INSYN2B: variants seen among roughly 807,000 people sequenced by gnomAD.
The protein encoded by INSYN2B is protein INSYN2B.
Under a neutral mutation model 41.2 loss-of-function variants are expected in INSYN2B, and 16 were observed. That is an observed-to-expected ratio of 0.39 (90% CI 0.26 to 0.59). The LOEUF (loss-of-function observed/expected upper bound fraction) is 0.59, where lower values mean the gene tolerates loss of function less well. INSYN2B is among the 20% of genes least tolerant of loss of function. The pLI is 0.57. For synonymous variants in INSYN2B, 245 were observed against 244.4 expected (o/e 1.00, Z -0.02); for missense variants, 608 against 646.4 (o/e 0.94, Z 0.64).
intron 1 of INSYN2B, among the ~76,000 whole-genome samples, chr5:169,893,719 A>C (rs1275424873): frequency 6.6e-6 from 1 of 152,206 alleles, no homozygotes; most frequent in African/African-American, 2.4e-5. Context: ...AGGAAGCCAG[A>C]CAGACAATGA....
chr5:169,964,575 C>T (rs1290963442), intron 1 of INSYN2B, among the ~76,000 whole-genome samples: 3 of 152,208 alleles, frequency 2.0e-5, no homozygotes, highest in African/African-American at 7.2e-5. Flanking sequence ...TGCCACTTTT[C>T]TCAGTGCCCA....
intron 1 of INSYN2B, among the ~76,000 whole-genome samples, chr5:169,891,758 G>A (rs1327845455): frequency 6.7e-6 from 1 of 149,144 alleles, no homozygotes; most frequent in Non-Finnish European, 1.5e-5. Flanking sequence ...GTCAAGGCAG[G>A]TGGATCACAA....
chr5:169,896,567 TA>T (rs1211436315), intron 1 of INSYN2B, among the ~76,000 whole-genome samples: 2 of 152,256 alleles, frequency 1.3e-5, no homozygotes, highest in Admixed American at 6.5e-5. Context: ...GACACACTCA[TA>T]AATCTTTCAG....
At chr5:169,972,494 A>ATT (rs35770870) in intron 1 of INSYN2B, among the ~76,000 whole-genome samples, 1 of 10,978 alleles carries the variant, frequency 9.1e-5, no homozygotes, top group Admixed American at 1.0e-3. Flanking sequence ...ATTTCAAGGC[A>ATT]ATGCCCTTTG....
intron 1 of INSYN2B, among the ~76,000 whole-genome samples, chr5:169,968,951 C>T (rs1439060523): frequency 6.6e-6 from 1 of 152,142 alleles, no homozygotes; most frequent in African/African-American, 2.4e-5. Flanking sequence ...GAGTTTGAGA[C>T]TACCCTGGAT....
At chr5:169,921,662 G>A (rs1463219314) in intron 1 of INSYN2B, among the ~76,000 whole-genome samples, 1 of 152,188 alleles carries the variant, frequency 6.6e-6, no homozygotes, top group Non-Finnish European at 1.5e-5. Flanking sequence ...CCCTTACAGA[G>A]CTGTGGAGAG....
chr5:169,902,738 G>A (rs1417345414), intron 1 of INSYN2B, among the ~76,000 whole-genome samples: 1 of 152,142 alleles, frequency 6.6e-6, no homozygotes, highest in Non-Finnish European at 1.5e-5. Context: ...AATGGGTTGG[G>A]TACTAGGGAC....
At chr5:169,870,653 G>A (rs926538688) in intron 3 of INSYN2B, among the ~76,000 whole-genome samples, 1 of 151,750 alleles carries the variant, frequency 6.6e-6, no homozygotes, top group Non-Finnish European at 1.5e-5. Context: ...TGCACAATGT[G>A]CAGGTTTGTT....
intron 1 of INSYN2B, among the ~76,000 whole-genome samples, chr5:169,921,785 TTG>T (rs1775187304): frequency 6.6e-6 from 1 of 152,228 alleles, no homozygotes; most frequent in Admixed American, 6.5e-5. Context: ...GTAAGCAGTG[TTG>T]TGACAGTCTT....
intron 1 of INSYN2B, among the ~76,000 whole-genome samples, chr5:169,969,043 T>G (rs924141992): frequency 2.0e-5 from 3 of 152,156 alleles, no homozygotes; most frequent in Non-Finnish European, 4.4e-5. Flanking sequence ...GCAGCTTCTC[T>G]GGAGGCTGAG....
intron 1 of INSYN2B, among the ~76,000 whole-genome samples, chr5:169,915,846 T>C (rs1774846091): frequency 1.3e-5 from 2 of 152,188 alleles, no homozygotes; most frequent in Admixed American, 6.5e-5. Flanking sequence ...AGGTGTGAGA[T>C]TGATGACTTG....
At chr5:169,868,594 A>G (rs1404696486) in intron 3 of INSYN2B, among the ~76,000 whole-genome samples, 2 of 152,170 alleles carry the variant, frequency 1.3e-5, no homozygotes, top group Non-Finnish European at 1.5e-5. Context: ...CACCATCTCT[A>G]CAAAAAGTAA....
At chr5:169,933,247 C>G (rs181938847) in intron 1 of INSYN2B, among the ~76,000 whole-genome samples, 1 of 152,238 alleles carries the variant, frequency 6.6e-6, no homozygotes, top group Non-Finnish European at 1.5e-5. Flanking sequence ...GCTTCCCCTA[C>G]TTGGAGTGCA....
At chr5:169,870,578 C>CT (rs1561781674) in intron 3 of INSYN2B, among the ~76,000 whole-genome samples, 1 of 151,456 alleles carries the variant, frequency 6.6e-6, no homozygotes, top group African/African-American at 2.4e-5. Flanking sequence ...TTTTTTTCTT[C>CT]TTTTTTTAAT....
chr5:169,902,896 G>C (rs966222372), intron 1 of INSYN2B, among the ~76,000 whole-genome samples: 1 of 152,068 alleles, frequency 6.6e-6, no homozygotes, highest in South Asian at 2.1e-4. Context: ...TCAAGAGATC[G>C]AGACCATCTT....
chr5:169,968,449 G>A (rs1174567470), intron 1 of INSYN2B, among the ~76,000 whole-genome samples: 2 of 152,196 alleles, frequency 1.3e-5, no homozygotes, highest in African/African-American at 4.8e-5. Context: ...TCCAGGGCCA[G>A]TGGGGACAGA....
intron 1 of INSYN2B, among the ~76,000 whole-genome samples, chr5:169,929,282 TCTTTC>T (rs1366486103): frequency 2.6e-5 from 4 of 152,224 alleles, no homozygotes; most frequent in South Asian, 2.1e-4. Flanking sequence ...TAAACATTTC[TCTTTC>T]CTTTCCCCAT....
rs1258083629 is a variant in INSYN2B at position 169,864,200 on chromosome 5, C to G, written c.*73G>C. The G allele has an allele frequency of 3.0e-6, 4 of 1,314,764 alleles. No individual in the cohort carries two copies. Among genetic ancestry groups the G allele is most frequent in the African/African-American group, 1.5e-5 (1 of 68,654 alleles). 81.4% of individuals were successfully genotyped at this position (1,314,764 alleles called of 1,614,324 possible). A position where few individuals can be genotyped will look rare whatever the true frequency, so the allele number is the denominator to read the frequency against. ...GGCCTTTGCAAAGAAGCAGGGCAGG[C>G]CTTAAGTGCAGTGGATTTCCCATCT... On this transcript the variant is annotated 3_prime_UTR_variant, in exon 4 of 4. Coordinates refer to ENST00000377365, the MANE Select transcript of INSYN2B (RefSeq NM_001129891.3).
chr5:169,953,425 T>C (rs911345511), intron 1 of INSYN2B, among the ~76,000 whole-genome samples: 3 of 152,062 alleles, frequency 2.0e-5, no homozygotes, highest in Non-Finnish European at 2.9e-5. Context: ...CTGAGAGTTA[T>C]GTGACTGTGG....
Sources: allele counts gnomAD v4.1 joint callset (sites outside exome capture counted in the v4.1 genomes callset), GRCh38; gene constraint gnomAD v4.1.1; transcripts MANE v1.5; gene names NCBI Gene and HGNC (gene_info 2026-07-23, HGNC 2026-07-21).